Variants in TMTC4 observed in about 807,000 individuals in gnomAD.
TMTC4 encodes protein O-mannosyl-transferase TMTC4.
A neutral mutation model predicts 86.0 loss-of-function variants in TMTC4; 65 were observed. That is an observed-to-expected ratio of 0.76 (90% CI 0.62 to 0.93). TMTC4 has a LOEUF of 0.93. Ranked by LOEUF, TMTC4 falls within the 40% of genes least tolerant of loss-of-function variation. The pLI, the probability that TMTC4 is intolerant of heterozygous loss-of-function variation, is 0.00. For synonymous variants in TMTC4, 379 were observed against 382.5 expected, an observed-to-expected ratio of 0.99 and a Z score of 0.11; for missense variants, 866 against 948.1, an observed-to-expected ratio of 0.91 and a Z score of 1.14.
chr13:100,668,930 G>A, intron 2 of TMTC4, 136 bp from the exon 3 acceptor site: 1 of 966,078 alleles, frequency 1.0e-6, no homozygotes, highest in South Asian at 1.7e-5. Context: ...ATTTGAAGCT[G>A]TGCTTCCCAA....
intron 12 of TMTC4, among the ~76,000 whole-genome samples, chr13:100,632,807 C>A (rs753797363): frequency 1.1e-4 from 17 of 152,084 alleles, no homozygotes; most frequent in Non-Finnish European, 5.9e-5. Flanking sequence ...TGAAACAGAT[C>A]CAGAGAGCTC....
At position 100,615,967 on chromosome 13, in the gene TMTC4, C is replaced by T. The variant is rs111327057; in HGVS notation, c.1837-1537G>A. 2.9e-4 allele frequency among the ~76,000 whole-genome samples: 44 copies of T among 152,208 alleles called. 1 individual carries two copies. Among genetic ancestry groups the T allele is most frequent in the African/African-American group, 1.0e-3 (43 of 41,526 alleles). ...TGCCATCTTTATGTATTAGCGCTCA[C>T]TTATGAGAACATGTGGCATTTGGTT... On this transcript the variant is annotated intron_variant, in intron 15 of 18. Transcript: ENST00000342624.
At chr13:100,642,000 CAT>C (rs1439189518) in intron 7 of TMTC4, among the ~76,000 whole-genome samples, 1 of 152,224 alleles carries the variant, frequency 6.6e-6, no homozygotes, top group Non-Finnish European at 1.5e-5. Flanking sequence ...CCCAGTTGCA[CAT>C]GACTGTCAAG....
At chr13:100,624,195 G>A (rs747577183) in intron 15 of TMTC4, among the ~76,000 whole-genome samples, 10 of 151,790 alleles carry the variant, frequency 6.6e-5, no homozygotes, top group African/African-American at 1.2e-4. Flanking sequence ...GCATGGTGGC[G>A]GGCGCCTATA....
Position 100,635,391 on chromosome 13 carries a change from T to C in TMTC4, c.1203-196A>G, listed in dbSNP as rs561630949. 6.6e-5 allele frequency among the ~76,000 whole-genome samples: 10 copies of C among 152,248 alleles called. No individual in the cohort carries two copies. In the East Asian group the frequency reaches 1.7e-3, roughly 26 times the overall value. On this transcript the variant is annotated intron_variant, in intron 10 of 18. Coordinates refer to ENST00000342624, the MANE Select transcript of TMTC4 (RefSeq NM_032813.5). ...AGCATGTGGATAAGGCACAAAAATATTCCTCTGGCACTTCACAGCGAGTCT... is the reference window on the plus strand; with the variant it reads ...AGCATGTGGATAAGGCACAAAAATACTCCTCTGGCACTTCACAGCGAGTCT...
At chr13:100,636,972 C>T (rs1164413313) in intron 9 of TMTC4, among the ~76,000 whole-genome samples, 2 of 152,146 alleles carry the variant, frequency 1.3e-5, no homozygotes, top group Non-Finnish European at 2.9e-5. Flanking sequence ...GCAATACATT[C>T]GTTATATTTC....
At chr13:100,630,021 GTGTGTA>G (rs59820464) in intron 12 of TMTC4, among the ~76,000 whole-genome samples, 3,891 of 14,812 alleles carry the variant, frequency 0.26, 80 homozygotes, top group East Asian at 0.53. Flanking sequence ...CACCCAATCT[GTGTGTA>G]TGTGTGTGTG....
At chr13:100,671,231 C>G (rs1887057101) in intron 1 of TMTC4, among the ~76,000 whole-genome samples, 1 of 152,116 alleles carries the variant, frequency 6.6e-6, no homozygotes, top group East Asian at 1.9e-4. Context: ...CTTTTGGGCA[C>G]AAGTAACCCT....
At chr13:100,658,716 T>G (rs944443685) in intron 5 of TMTC4, among the ~76,000 whole-genome samples, 1 of 152,178 alleles carries the variant, frequency 6.6e-6, no homozygotes. Flanking sequence ...CAAAAGCTTA[T>G]TTTTACAGAA....
chr13:100,642,217 A>C lies in TMTC4; in HGVS notation c.735T>G (p.Thr245=), dbSNP rs1275074836. 1.2e-6 allele frequency: 2 copies of C among 1,614,232 alleles called. No individual in the cohort carries two copies. The highest frequency in any genetic ancestry group is 1.7e-6 in the Non-Finnish European group (2 of 1,180,032). Residue 245 remains threonine, a synonymous_variant, in exon 7 of 19, where the codon ACT becomes ACG. Coordinates refer to ENST00000342624, the MANE Select transcript of TMTC4 (RefSeq NM_032813.5). ...GCCATGTTGCGGCTCTCACCAGCAC[A>C]GTGATCCCTTGCTCTTTGCACAGCA... is the stretch of plus-strand genomic sequence containing the variant. ...VAMLCKEQGI[T]VLGLNAVFDI...
chr13:100,617,301 A>AT (rs927188370), intron 15 of TMTC4, among the ~76,000 whole-genome samples: 1 of 151,848 alleles, frequency 6.6e-6, no homozygotes. Context: ...TGCCCAGCTA[A>AT]TTTTTTTGGA....
At position 100,625,620 on chromosome 13, in the gene TMTC4, C is replaced by T. The variant is rs749518908; in HGVS notation, c.1751G>A (p.Arg584Gln). 37 of 1,614,046 alleles carry T rather than the reference C, an allele frequency of 2.3e-5. No individual in the cohort carries two copies. In the East Asian group the frequency reaches 4.5e-4, roughly 19 times the overall value. ...NLGIVQNSLKRFEAAEQSYRT... is the reference protein window; with the variant it reads ...NLGIVQNSLKQFEAAEQSYRT... ...GTAACTTTGCTCTGCTGCTTCAAAC[C>T]GTTTCAGGCTATTCTGCACTATGCC... The change falls in exon 15 of 19, where the codon CGG (arginine) becomes CAG (glutamine). Residue 584 changes from arginine (R) to glutamine (Q), a missense_variant. Arg to Gln is a conservative substitution (Grantham distance 43). Transcript: ENST00000342624.
upstream of TMTC4, chr13:100,674,875 C>T (rs900844134): frequency 4.4e-5 from 43 of 982,146 alleles, no homozygotes; most frequent in Non-Finnish European, 4.5e-5. Context: ...CGCCGCGCCT[C>T]CCGCAGCTCC....
At chr13:100,662,587 T>C (rs1252276096) in intron 5 of TMTC4, among the ~76,000 whole-genome samples, 1 of 152,056 alleles carries the variant, frequency 6.6e-6, no homozygotes, top group Non-Finnish European at 1.5e-5. Flanking sequence ...GAACAGTTCT[T>C]AGCCTCTGAA....
intron 4 of TMTC4, among the ~76,000 whole-genome samples, chr13:100,663,416 G>A (rs1594371772): frequency 1.3e-5 from 2 of 152,188 alleles, no homozygotes; most frequent in African/African-American, 4.8e-5. Context: ...TGTGTCCAAG[G>A]GGAGTGGCGC....
At chr13:100,607,437 A>G (rs1876817312) in intron 17 of TMTC4, among the ~76,000 whole-genome samples, 1 of 152,104 alleles carries the variant, frequency 6.6e-6, no homozygotes, top group African/African-American at 2.4e-5. Context: ...GAATTGCTCC[A>G]ATCCAAGAGG....
In TMTC4 at chr13:100,668,404, G is replaced by T. The variant is rs1340960676; in HGVS notation, c.219+175C>A. 3 of 663,758 alleles carry T rather than the reference G, an allele frequency of 4.5e-6. No individual in the cohort carries two copies. In the African/African-American group the frequency reaches 5.5e-5, roughly 12 times the overall value. 41.1% of individuals were successfully genotyped at this position (663,758 alleles called of 1,614,324 possible). On this transcript the variant is annotated intron_variant, in intron 3 of 18. Coordinates refer to ENST00000342624, the MANE Select transcript of TMTC4 (RefSeq NM_032813.5). The stretch of plus-strand genomic sequence containing the variant: ...TTCAGAACCTTGGTGCCAGCAATAA[G>T]AAAGGCACTAAATCATGGAGGCGAT...
At chr13:100,673,381 G>A (rs1887383146) in intron 1 of TMTC4, 1 of 984,810 alleles carries the variant, frequency 1.0e-6, no homozygotes, top group African/African-American at 1.7e-5. Flanking sequence ...CATGCATCCA[G>A]GGGCCTGCTG....
chr13:100,657,835 G>A (rs1353096399), intron 5 of TMTC4, among the ~76,000 whole-genome samples: 1 of 152,186 alleles, frequency 6.6e-6, no homozygotes, highest in Middle Eastern at 3.2e-3. Flanking sequence ...TCTTTTAGGA[G>A]CAGATTCCCC....
Sources: gnomAD v4.1 joint callset for allele counts (sites outside exome capture counted in the v4.1 genomes callset) on GRCh38, gnomAD v4.1.1 for gene constraint, MANE v1.5 for transcripts, NCBI Gene and HGNC (gene_info 2026-07-23, HGNC 2026-07-21) for gene names.